The following GRID2 variants were observed in gnomAD, a reference collection of about 807,000 sequenced individuals.
GRID2 encodes the protein glutamate receptor ionotropic, delta-2.
A neutral mutation model predicts 114.8 loss-of-function variants in GRID2; 33 were observed. The ratio of observed to expected loss-of-function variants is 0.29; its 90% CI spans 0.22 to 0.38. GRID2 has a LOEUF of 0.38. Among genes scored for constraint, GRID2 ranks in the 10% least tolerant of loss-of-function variants. GRID2 has a pLI of 1.00. For synonymous variants in GRID2, 505 were observed against 449.9 expected, an observed-to-expected ratio of 1.12 and a Z score of -1.55; for missense variants, 1,184 against 1,257.7, an observed-to-expected ratio of 0.94 and a Z score of 0.89.
At chr4:92,646,621 G>A (rs527445857) in intron 2 of GRID2, among the ~76,000 whole-genome samples, 1 of 152,224 alleles carries the variant, frequency 6.6e-6, no homozygotes. Flanking sequence ...TGACTGCTGG[G>A]GCTAACAGTT....
At chr4:93,108,876 C>A (rs899295330) in intron 3 of GRID2, among the ~76,000 whole-genome samples, 1 of 151,998 alleles carries the variant, frequency 6.6e-6, no homozygotes, top group African/African-American at 2.4e-5. Flanking sequence ...TGATCTGCCC[C>A]CCTCGGTCTC....
chr4:92,577,879 G>C (rs1727972792), intron 1 of GRID2, among the ~76,000 whole-genome samples: 1 of 152,026 alleles, frequency 6.6e-6, no homozygotes, highest in Non-Finnish European at 1.5e-5. Flanking sequence ...TGAATGGTTA[G>C]AGATATACAT....
chr4:92,793,892 A>G (rs1739716616), intron 2 of GRID2, among the ~76,000 whole-genome samples: 1 of 151,898 alleles, frequency 6.6e-6, no homozygotes. Context: ...TCTTGAAGAC[A>G]GCAAAGAATT....
intron 1 of GRID2, among the ~76,000 whole-genome samples, chr4:93,798,107 C>A (rs560190984): frequency 6.6e-6 from 1 of 151,938 alleles, no homozygotes; most frequent in Non-Finnish European, 1.5e-5. Context: ...GAGCCGAGAT[C>A]GCACCATCGC....
chr4:92,560,606 G>C (rs932125644), intron 1 of GRID2, among the ~76,000 whole-genome samples: 1 of 148,704 alleles, frequency 6.7e-6, no homozygotes, highest in Non-Finnish European at 1.5e-5. Flanking sequence ...CCTTTGGTTA[G>C]ATCCATTTAT....
chr4:92,614,560 G>C (rs1729909846), intron 2 of GRID2, among the ~76,000 whole-genome samples: 1 of 151,286 alleles, frequency 6.6e-6, no homozygotes, highest in African/African-American at 2.4e-5. Flanking sequence ...TTTTCCCTAT[G>C]TGACCAGATA....
chr4:93,440,101 C>T (rs1721484696), intron 10 of GRID2, among the ~76,000 whole-genome samples: 1 of 151,986 alleles, frequency 6.6e-6, no homozygotes, highest in Non-Finnish European at 1.5e-5. Flanking sequence ...TTATGAGGAG[C>T]AACGCTTGTG....
At chr4:93,503,900 A>G (rs1345052461) in intron 12 of GRID2, among the ~76,000 whole-genome samples, 2 of 152,086 alleles carry the variant, frequency 1.3e-5, no homozygotes, top group Non-Finnish European at 2.9e-5. Flanking sequence ...TATCTTTTGC[A>G]TTTGGAAAAT....
At chr4:93,210,711 T>G (rs1187838923) in intron 5 of GRID2, among the ~76,000 whole-genome samples, 2 of 152,114 alleles carry the variant, frequency 1.3e-5, no homozygotes, top group East Asian at 3.9e-4. Context: ...TAGACTAGCA[T>G]GTATTTAATT....
At chr4:93,357,345 A>T (rs1328388929) in intron 8 of GRID2, among the ~76,000 whole-genome samples, 2 of 151,360 alleles carry the variant, frequency 1.3e-5, no homozygotes, top group Non-Finnish European at 3.0e-5. Context: ...ATTCAAGAGG[A>T]CTCCATGAAT....
chr4:92,927,860 T>C (rs1253622414), intron 2 of GRID2, among the ~76,000 whole-genome samples: 1 of 151,736 alleles, frequency 6.6e-6, no homozygotes, highest in Non-Finnish European at 1.5e-5. Context: ...GATTTTTGCA[T>C]TTTTTTGGAT....
intron 1 of GRID2, among the ~76,000 whole-genome samples, chr4:93,787,780 C>T (rs1734622061): frequency 6.6e-6 from 1 of 152,082 alleles, no homozygotes; most frequent in African/African-American, 2.4e-5. Context: ...TAACAATGAC[C>T]ATTATGGTGC....
At chr4:92,465,279 A>T (rs997828746) in intron 1 of GRID2, among the ~76,000 whole-genome samples, 5 of 61,222 alleles carry the variant, frequency 8.2e-5, no homozygotes, top group Non-Finnish European at 1.4e-4. Flanking sequence ...GAGTGAGATT[A>T]AAAAAAAAAA....
At chr4:93,244,303 GT>G (rs1219384983) in intron 8 of GRID2, among the ~76,000 whole-genome samples, 2 of 151,610 alleles carry the variant, frequency 1.3e-5, no homozygotes, top group Non-Finnish European at 2.9e-5. Context: ...TCATAAAAGT[GT>G]TTTCTCATAA....
chr4:92,998,218 C>T (rs941776355), intron 2 of GRID2, among the ~76,000 whole-genome samples: 2 of 151,998 alleles, frequency 1.3e-5, no homozygotes, highest in Non-Finnish European at 2.9e-5. Flanking sequence ...TTGGAATATA[C>T]ATTACATTGA....
intron 1 of GRID2, among the ~76,000 whole-genome samples, chr4:92,586,316 A>G (rs1728437719): frequency 6.6e-6 from 1 of 151,252 alleles, no homozygotes; most frequent in Non-Finnish European, 1.5e-5. Flanking sequence ...AAATGATTTT[A>G]TGATCTGAAG....
chr4:93,282,710 T>C (rs1185469551), intron 8 of GRID2, among the ~76,000 whole-genome samples: 2 of 152,026 alleles, frequency 1.3e-5, no homozygotes, highest in Non-Finnish European at 2.9e-5. Context: ...TAATCTGTTC[T>C]TGTGTTATTT....
At chr4:93,068,891 G>T (rs1291248495) in intron 2 of GRID2, among the ~76,000 whole-genome samples, 1 of 151,982 alleles carries the variant, frequency 6.6e-6, no homozygotes, top group Admixed American at 6.6e-5. Context: ...GGTTCTGCAG[G>T]CTATACAGGA....
intron 2 of GRID2, among the ~76,000 whole-genome samples, chr4:92,974,220 C>A (rs897284679): frequency 6.6e-6 from 1 of 152,088 alleles, no homozygotes; most frequent in Non-Finnish European, 1.5e-5. Context: ...AAAATAGGAA[C>A]GCTTTTACAC....
Sources: gnomAD v4.1 joint callset for allele counts (sites outside exome capture counted in the v4.1 genomes callset) on GRCh38, gnomAD v4.1.1 for gene constraint, MANE v1.5 for transcripts, NCBI Gene and HGNC (gene_info 2026-07-23, HGNC 2026-07-21) for gene names.